Variants in SLC2A9 observed in about 807,000 individuals in gnomAD.
SLC2A9 encodes the protein solute carrier family 2 member 9, also known as solute carrier family 2, facilitated glucose transporter member 9.
SLC2A9 carries 39 observed loss-of-function variants against 50.6 expected under a neutral mutation model. The ratio of observed to expected loss-of-function variants is 0.77; its 90% CI spans 0.60 to 1.01. The LOEUF (loss-of-function observed/expected upper bound fraction) is 1.01. Ranked by LOEUF, SLC2A9 falls within the 50% of genes least tolerant of loss-of-function variation. The pLI is 0.00. For synonymous variants in SLC2A9, 324 were observed against 276.9 expected, an observed-to-expected ratio of 1.17 and a Z score of -1.69; for missense variants, 686 against 677.6, an observed-to-expected ratio of 1.01 and a Z score of -0.14.
chr4:9,776,308 G>T (rs1349477737), downstream of SLC2A9, among the ~76,000 whole-genome samples: 1 of 151,668 alleles, frequency 6.6e-6, no homozygotes, highest in African/African-American at 2.4e-5. Context: ...TCTGGATTCA[G>T]CTCCAACAAA....
chr4:9,891,517 T>C (rs1198879399), intron 8 of SLC2A9, among the ~76,000 whole-genome samples: 2 of 152,168 alleles, frequency 1.3e-5, no homozygotes, highest in Non-Finnish European at 2.9e-5. Flanking sequence ...CAAGAGTGTC[T>C]GGAGTGGAAG....
At chr4:9,773,807 T>C (rs1433718704) in intron 1 of SLC2A9, among the ~76,000 whole-genome samples, 2 of 152,034 alleles carry the variant, frequency 1.3e-5, no homozygotes, top group Non-Finnish European at 2.9e-5. Context: ...AGAGCCTGGG[T>C]AAGAGAGGAC....
intron 5 of SLC2A9, among the ~76,000 whole-genome samples, chr4:9,948,996 T>C (rs1354403943): frequency 6.6e-6 from 1 of 152,230 alleles, no homozygotes; most frequent in Non-Finnish European, 1.5e-5. Context: ...TACTTCCCTG[T>C]AAAATACAGC....
intron 2 of SLC2A9, among the ~76,000 whole-genome samples, chr4:10,001,708 C>A (rs899954458): frequency 6.6e-6 from 1 of 152,186 alleles, no homozygotes; most frequent in African/African-American, 2.4e-5. Flanking sequence ...TCAGAATGGC[C>A]ACTATGTTCT....
At chr4:9,787,765 G>C (rs114447917) in intron 3 of SLC2A9, among the ~76,000 whole-genome samples, 119 of 152,198 alleles carry the variant, frequency 7.8e-4, no homozygotes, top group African/African-American at 2.8e-3. Context: ...GGGTTTTTTG[G>C]TGCTTTTCCA....
chr4:9,809,510 G>T (rs1275014539), intron 3 of SLC2A9, among the ~76,000 whole-genome samples: 1 of 152,164 alleles, frequency 6.6e-6, no homozygotes, highest in Non-Finnish European at 1.5e-5. Context: ...GAATGGCCCG[G>T]GCACAAGAGG....
At position 9,920,517 on chromosome 4, in the gene SLC2A9, C is replaced by T. The variant is rs764825125; in HGVS notation, c.870G>A (p.Leu290=). 8 of 1,614,192 alleles carry T rather than the reference C, an allele frequency of 5.0e-6. No individual in the cohort carries two copies. The highest frequency in any genetic ancestry group is 2.2e-5 in the South Asian group (2 of 91,088). ...ADVSQEVEEV[L]AESRVQRSIR... ...TGCTCCTCTGCACGCGGCTCTCAGC[C>T]AGGACCTCCTCTACCTCTTGGGAAA... Residue 290 remains leucine (L), a synonymous_variant, in exon 7 of 12, where the codon CTG becomes CTA. Transcript: ENST00000264784.
At chr4:9,963,801 G>A (rs1284868248) in intron 5 of SLC2A9, among the ~76,000 whole-genome samples, 1 of 152,198 alleles carries the variant, frequency 6.6e-6, no homozygotes, top group African/African-American at 2.4e-5. Context: ...TCTACCTTTT[G>A]TGTGTGCAAG....
chr4:9,783,732 A>C (rs1718844719), intron 3 of SLC2A9: 2 of 336,374 alleles, frequency 5.9e-6, no homozygotes, highest in Non-Finnish European at 1.1e-5. Flanking sequence ...TGGGTCCTTA[A>C]AAAAAAAAAT....
downstream of SLC2A9, among the ~76,000 whole-genome samples, chr4:9,822,125 T>C (rs1163209267): frequency 6.6e-6 from 1 of 152,198 alleles, no homozygotes; most frequent in African/African-American, 2.4e-5. Flanking sequence ...TCTTATCCTC[T>C]CTTTTTCTCC....
At chr4:9,922,358 CTAATGCATGCAGGGCT>C (rs1456300209) in intron 6 of SLC2A9, among the ~76,000 whole-genome samples, 1 of 152,064 alleles carries the variant, frequency 6.6e-6, no homozygotes, top group Non-Finnish European at 1.5e-5. Flanking sequence ...GAAAAAATAG[CTAATGCATGCAGGGCT>C]TAATACCTAG....
Position 9,975,865 on chromosome 4 carries a change from G to C in SLC2A9, c.681+4727C>G, listed in dbSNP as rs192145085. On this transcript the variant is annotated intron_variant, in intron 5 of 11. Coordinates refer to ENST00000264784, the MANE Select transcript of SLC2A9 (RefSeq NM_020041.3). ...TTAACTTAAGTGTCCATCAATGGTG[G>C]ACTGGATAAAGAAAATGTGATACAC... 1.2e-4 allele frequency among the ~76,000 whole-genome samples: 18 copies of C among 152,316 alleles called. No individual in the cohort carries two copies. The East Asian group carries it at 3.5e-3, about 29-fold the overall frequency.
rs7698349 is a variant in SLC2A9, at chr4:9,934,681, A to G, written c.814+7232T>C. Among the ~76,000 whole-genome samples, 514 of 152,360 alleles carry G rather than the reference A, an allele frequency of 3.4e-3. 4 individuals carry two copies. The highest frequency in any genetic ancestry group is 0.011 in the African/African-American group (469 of 41,576). On this transcript the variant is annotated intron_variant, in intron 6 of 11. Transcript: ENST00000264784. ...TATTTTACTTTAAGTTCCAGGATAC[A>G]TGTGCAGAATGTACAGGTTTGTTAC...
At chr4:9,925,097 T>C (rs1181764296) in intron 6 of SLC2A9, among the ~76,000 whole-genome samples, 1 of 152,218 alleles carries the variant, frequency 6.6e-6, no homozygotes, top group Non-Finnish European at 1.5e-5. Flanking sequence ...CCATCTCTCT[T>C]GGCTGCTGCC....
At chr4:9,815,499 C>T (rs1723452378) in intron 3 of SLC2A9, among the ~76,000 whole-genome samples, 1 of 152,198 alleles carries the variant, frequency 6.6e-6, no homozygotes, top group Non-Finnish European at 1.5e-5. Flanking sequence ...AGAAGCTCTG[C>T]TCCATGAAGT....
intron 1 of SLC2A9, among the ~76,000 whole-genome samples, 160 bp downstream of exon 1, chr4:10,021,120 G>A (rs1763456526): frequency 6.6e-6 from 1 of 152,242 alleles, no homozygotes; most frequent in Non-Finnish European, 1.5e-5. Context: ...AAGTCACACA[G>A]ATGGAGAAGT....
chr4:9,864,722 T>G (rs144552028), intron 10 of SLC2A9, among the ~76,000 whole-genome samples: 1 of 152,226 alleles, frequency 6.6e-6, no homozygotes, highest in Non-Finnish European at 1.5e-5. Flanking sequence ...GAAAATGCCA[T>G]TTCATATTTC....
intron 8 of SLC2A9, among the ~76,000 whole-genome samples, chr4:9,893,068 G>A (rs2109812726): frequency 6.6e-6 from 1 of 152,254 alleles, no homozygotes; most frequent in Middle Eastern, 3.4e-3. Context: ...GCAAAGCTGG[G>A]ATCACCTACA....
chr4:9,947,071 C>T (rs1293814736), intron 5 of SLC2A9, among the ~76,000 whole-genome samples: 1 of 152,210 alleles, frequency 6.6e-6, no homozygotes, highest in Non-Finnish European at 1.5e-5. Flanking sequence ...TTTCTCTCCT[C>T]CTTCCTACCC....
Sources: allele counts gnomAD v4.1 joint callset (sites outside exome capture counted in the v4.1 genomes callset), GRCh38; gene constraint gnomAD v4.1.1; transcripts MANE v1.5; gene names NCBI Gene and HGNC (gene_info 2026-07-23, HGNC 2026-07-21).